RORB: variants seen among roughly 807,000 people sequenced by gnomAD.
RORB encodes the protein RAR related orphan receptor B.
Under a neutral mutation model 59.1 loss-of-function variants are expected in RORB, and 6 were observed. The observed-to-expected ratio is 0.10, with a 90% CI of 0.06 to 0.20. The LOEUF (loss-of-function observed/expected upper bound fraction) is 0.20. Ranked by LOEUF, RORB falls within the 10% of genes least tolerant of loss-of-function variation. The pLI is 1.00. For synonymous variants in RORB, 215 were observed against 204.5 expected (o/e 1.05, Z -0.44); for missense variants, 320 against 560.5 (o/e 0.57, Z 4.33).
At chr9:74,573,911 C>G (rs1181809482) in intron 1 of RORB, among the ~76,000 whole-genome samples, 1 of 152,012 alleles carries the variant, frequency 6.6e-6, no homozygotes, top group Non-Finnish European at 1.5e-5. Flanking sequence ...GACAGGGTAT[C>G]AAAGCTGCAA....
intron 8 of RORB, among the ~76,000 whole-genome samples, chr9:74,669,359 A>C (rs1474466293): frequency 6.6e-6 from 1 of 152,002 alleles, no homozygotes; most frequent in Non-Finnish European, 1.5e-5. Flanking sequence ...GATGCCTGTA[A>C]TTCCAGCTCC....
chr9:74,637,964 G>A (rs912480872), intron 3 of RORB, among the ~76,000 whole-genome samples: 2 of 152,096 alleles, frequency 1.3e-5, no homozygotes, highest in Admixed American at 1.3e-4. Context: ...AAAAGAGGAA[G>A]GAGAAGAGAG....
At chr9:74,596,712 T>G (rs1822975501) in intron 1 of RORB, among the ~76,000 whole-genome samples, 1 of 152,164 alleles carries the variant, frequency 6.6e-6, no homozygotes, top group East Asian at 1.9e-4. Context: ...TCACTACAAT[T>G]ACTGAACCCA....
intron 1 of RORB, among the ~76,000 whole-genome samples, chr9:74,582,155 C>T (rs1206694838): frequency 6.6e-6 from 1 of 152,094 alleles, no homozygotes; most frequent in Non-Finnish European, 1.5e-5. Context: ...TGGCATTGTG[C>T]TTTAAGTGGA....
chr9:74,676,853 G>A (rs2031418091), intron 9 of RORB, among the ~76,000 whole-genome samples: 1 of 152,366 alleles, frequency 6.6e-6, no homozygotes, highest in African/African-American at 2.4e-5. Flanking sequence ...AATTAGTGTA[G>A]TCTAAGGTTA....
Position 74,585,673 on chromosome 9 carries a change from A to G in RORB, c.8-44609A>G, listed in dbSNP as rs565771925. On this transcript the variant is annotated intron_variant, in intron 1 of 9. Transcript: ENST00000376896. Reference sequence around the variant, plus strand: ...AACTAGTCCCTTTTTTCTCCGCTATAAAAAGCTATTCACATGGTTTGTGCA... The same window carrying G: ...AACTAGTCCCTTTTTTCTCCGCTATGAAAAGCTATTCACATGGTTTGTGCA... Among the ~76,000 whole-genome samples the G allele has an allele frequency of 3.3e-5, 5 of 152,254 alleles. No individual in the cohort carries two copies. The South Asian group carries it at 8.3e-4, about 25-fold the overall frequency.
At chr9:74,631,852 T>C (rs1733417743) in intron 2 of RORB, among the ~76,000 whole-genome samples, 1 of 152,112 alleles carries the variant, frequency 6.6e-6, no homozygotes, top group Non-Finnish European at 1.5e-5. Context: ...GAAAACAAAA[T>C]TATGTCAGCA....
chr9:74,578,174 A>G (rs1303677015), intron 1 of RORB, among the ~76,000 whole-genome samples: 9 of 152,068 alleles, frequency 5.9e-5, no homozygotes, highest in Admixed American at 5.9e-4. Flanking sequence ...TCTTTGTACT[A>G]AAAGTCTTAG....
chr9:74,541,287 A>C (rs1587350717), intron 1 of RORB, among the ~76,000 whole-genome samples: 2 of 78,410 alleles, frequency 2.6e-5, no homozygotes, highest in Non-Finnish European at 4.0e-5. Context: ...CTCAAAAAAA[A>C]AAAAAAAAAA....
chr9:74,601,431 G>A (rs1266035140), intron 1 of RORB, among the ~76,000 whole-genome samples: 2 of 150,988 alleles, frequency 1.3e-5, no homozygotes, highest in East Asian at 3.9e-4. Context: ...TCAATGATAT[G>A]TTCCCCTCAC....
intron 2 of RORB, among the ~76,000 whole-genome samples, chr9:74,630,836 G>A (rs7038043): frequency 0.24 from 6,274 of 26,416 alleles, 437 homozygotes; most frequent in African/African-American, 0.33. Context: ...GAAAAAAAAA[G>A]AAAAGAAAAG....
chr9:74,563,030 A>T (rs900982498), intron 1 of RORB, among the ~76,000 whole-genome samples: 11 of 152,164 alleles, frequency 7.2e-5, no homozygotes, highest in African/African-American at 2.7e-4. Context: ...CAAAATCAAG[A>T]AATTAACAAT....
At chr9:74,538,369 A>G (rs1826353230) in intron 1 of RORB, among the ~76,000 whole-genome samples, 1 of 151,096 alleles carries the variant, frequency 6.6e-6, no homozygotes, top group Non-Finnish European at 1.5e-5. Flanking sequence ...AATGTTAACA[A>G]TAAAGAAATT....
intron 1 of RORB, among the ~76,000 whole-genome samples, chr9:74,629,587 C>A (rs1823581617): frequency 6.6e-6 from 1 of 152,136 alleles, no homozygotes; most frequent in African/African-American, 2.4e-5. Context: ...ATGCCTTCAT[C>A]TCCAATGAAA....
At chr9:74,661,913 G>C in intron 5 of RORB, among the ~76,000 whole-genome samples, 1 of 152,060 alleles carries the variant, frequency 6.6e-6, no homozygotes, top group South Asian at 2.1e-4. Flanking sequence ...CCAAAGTGCT[G>C]GGATTTCAGG....
intron 1 of RORB, among the ~76,000 whole-genome samples, chr9:74,544,457 G>A (rs754356427): frequency 2.0e-5 from 3 of 152,172 alleles, no homozygotes; most frequent in African/African-American, 7.2e-5. Context: ...GCATACAGTG[G>A]GGCTAAGTTA....
intron 1 of RORB, among the ~76,000 whole-genome samples, chr9:74,624,018 C>G (rs1319465376): frequency 6.6e-6 from 1 of 152,146 alleles, no homozygotes; most frequent in Admixed American, 6.5e-5. Context: ...TTTCAGTCCT[C>G]TGGGGAGTGA....
intron 1 of RORB, among the ~76,000 whole-genome samples, chr9:74,582,755 C>T (rs189135397): frequency 2.6e-4 from 39 of 152,266 alleles, no homozygotes; most frequent in African/African-American, 9.4e-4. Flanking sequence ...TGCCCATCTC[C>T]CTTCAACTGT....
chr9:74,499,697 GC>G (rs1346441720), intron 1 of RORB, among the ~76,000 whole-genome samples: 3 of 152,094 alleles, frequency 2.0e-5, no homozygotes, highest in African/African-American at 7.2e-5. Context: ...AGTAAGAGAC[GC>G]CCGGTCTTTT....
Sources: gnomAD v4.1 joint callset for allele counts (sites outside exome capture counted in the v4.1 genomes callset) on GRCh38, gnomAD v4.1.1 for gene constraint, MANE v1.5 for transcripts, NCBI Gene and HGNC (gene_info 2026-07-23, HGNC 2026-07-21) for gene names.